Variants in ABHD2 observed in about 807,000 individuals in gnomAD.
The protein encoded by ABHD2 is monoacylglycerol lipase ABHD2.
In ABHD2, 20 loss-of-function variants were observed where a neutral mutation model predicts 48.1. The ratio of observed to expected loss-of-function variants is 0.42; its 90% CI spans 0.29 to 0.60. The LOEUF (loss-of-function observed/expected upper bound fraction) is 0.60, where lower values mean the gene tolerates loss of function less well. Among genes scored for constraint, ABHD2 ranks in the 20% least tolerant of loss-of-function variants. ABHD2 has a pLI of 0.24. For synonymous variants in ABHD2, 209 were observed against 214.2 expected (o/e 0.98, Z 0.21); for missense variants, 405 against 550.9 (o/e 0.74, Z 2.65).
At chr15:89,161,128 T>C (rs953495636) in intron 5 of ABHD2, among the ~76,000 whole-genome samples, 16 of 152,320 alleles carry the variant, frequency 1.1e-4, no homozygotes, top group African/African-American at 3.8e-4. Context: ...CCTGTGCCAG[T>C]GGCTTAGCTC....
chr15:89,111,722 C>T (rs1391413875), intron 1 of ABHD2, among the ~76,000 whole-genome samples: 1 of 152,174 alleles, frequency 6.6e-6, no homozygotes. Context: ...CTAAGGGAAG[C>T]CAGAAAGCAT....
the ABHD2 span, among the ~76,000 whole-genome samples, chr15:89,056,439 G>T: frequency 6.6e-6 from 1 of 151,966 alleles, no homozygotes; most frequent in African/African-American, 2.4e-5. Context: ...GGCACAGATC[G>T]AGACCATCCT....
At position 89,114,833 on chromosome 15, in the gene ABHD2, T is replaced by C. The variant is rs139542955; in HGVS notation, c.-7+1009T>C. On this transcript the variant is annotated intron_variant, in intron 2 of 10. Coordinates refer to ENST00000352732, the MANE Select transcript of ABHD2 (RefSeq NM_152924.5). The surrounding 1 kb of genome is among the most constrained non-coding windows in gnomAD (Gnocchi z 4.2). ...TCTCCTCACAGAAGTTCAGTGTAGC[T>C]GAGTTTATATTCATGGCCTAGCCTT... Among the ~76,000 whole-genome samples the C allele has an allele frequency of 6.6e-6, 1 of 152,316 alleles. No homozygotes were observed. Among genetic ancestry groups the C allele is most frequent in the African/African-American group, 2.4e-5 (1 of 41,558 alleles).
chr15:89,112,297 G>A (rs1409246865), intron 1 of ABHD2, among the ~76,000 whole-genome samples: 1 of 152,144 alleles, frequency 6.6e-6, no homozygotes. Context: ...GAAATCTCCT[G>A]GTGTTAATAA....
chr15:89,192,460 A>G (rs1425274925), intron 9 of ABHD2, among the ~76,000 whole-genome samples: 2 of 151,992 alleles, frequency 1.3e-5, no homozygotes, highest in Admixed American at 6.6e-5. Flanking sequence ...CGGTTTTCCA[A>G]TATCCACCAG....
At chr15:89,059,351 C>G in the ABHD2 span, among the ~76,000 whole-genome samples, 5 of 152,188 alleles carry the variant, frequency 3.3e-5, no homozygotes, top group African/African-American at 1.2e-4. Flanking sequence ...CTGCCTAGAC[C>G]AGACCTGGAG....
chr15:89,094,581 G>A lies in ABHD2; in HGVS notation c.-107+6018G>A, dbSNP rs972052231. ...AAATTAGCTGAGCATGGTGGTGTGC[G>A]CCTGTAGTCCCAGCTACTTGGGAGA... On this transcript the variant is annotated intron_variant, in intron 1 of 10. Coordinates refer to ENST00000352732, the MANE Select transcript of ABHD2 (RefSeq NM_152924.5). The surrounding 1 kb of genome is among the most constrained non-coding windows in gnomAD (Gnocchi z 4.7). Among the ~76,000 whole-genome samples the A allele has an allele frequency of 7.3e-5, 11 of 151,708 alleles. No individual in the cohort carries two copies. The highest frequency in any genetic ancestry group is 2.7e-4 in the African/African-American group (11 of 41,274).
At position 89,091,625 on chromosome 15, in the gene ABHD2, T is replaced by C. The variant is rs1356106396; in HGVS notation, c.-107+3062T>C. Among the ~76,000 whole-genome samples the C allele has an allele frequency of 2.0e-5, 3 of 152,184 alleles. No individual in the cohort carries two copies. Among genetic ancestry groups the C allele is most frequent in the Admixed American group, 6.5e-5 (1 of 15,282 alleles). On this transcript the variant is annotated intron_variant, in intron 1 of 10. Coordinates refer to ENST00000352732, the MANE Select transcript of ABHD2 (RefSeq NM_152924.5). This position sits in a 1 kb window ranked among gnomAD's most constrained non-coding sequence, Gnocchi z 5.5. ...CTGCCCCGAGCAGGAAATAATTTCT[T>C]TGGTCTTATGGGAGACAGGGGTAGA...
chr15:89,130,756 AT>A (rs1158320074), intron 3 of ABHD2, among the ~76,000 whole-genome samples: 1 of 152,024 alleles, frequency 6.6e-6, no homozygotes, highest in Non-Finnish European at 1.5e-5. Flanking sequence ...TTTTTGTGTG[AT>A]TTTCTTTTTC....
At chr15:89,124,287 T>TTGCAGAGGCAGTACCAA (rs1333583842) in intron 3 of ABHD2, among the ~76,000 whole-genome samples, 5 of 152,200 alleles carry the variant, frequency 3.3e-5, no homozygotes, top group African/African-American at 1.2e-4. Context: ...AGCTGTTTCT[T>TTGCAGAGGCAGTACCAA]TGCAGAGGCA....
chr15:89,112,936 T>C (rs1207497764), intron 1 of ABHD2, among the ~76,000 whole-genome samples: 1 of 152,224 alleles, frequency 6.6e-6, no homozygotes, highest in Non-Finnish European at 1.5e-5. Flanking sequence ...ATCTACCTCA[T>C]AGGGTACAGG....
At chr15:89,145,266 CA>C (rs1172953428) in intron 3 of ABHD2, among the ~76,000 whole-genome samples, 1 of 152,074 alleles carries the variant, frequency 6.6e-6, no homozygotes, top group Non-Finnish European at 1.5e-5. Flanking sequence ...AAAAACGAAA[CA>C]AAACAAAACA....
chr15:89,186,656 C>T lies in ABHD2; in HGVS notation c.815+1140C>T, dbSNP rs1179250886. Among the ~76,000 whole-genome samples, 2 of 152,170 alleles carry T rather than the reference C, an allele frequency of 1.3e-5. No individual in the cohort carries two copies. Among genetic ancestry groups the T allele is most frequent in the Non-Finnish European group, 2.9e-5 (2 of 68,024 alleles). Reference sequence around the variant, plus strand: ...TGTAAATCCTACGTCTAGAACCAAACTGGAGAGCGTTGGAGGGCTTAGGCA... The same window carrying T: ...TGTAAATCCTACGTCTAGAACCAAATTGGAGAGCGTTGGAGGGCTTAGGCA... On this transcript the variant is annotated intron_variant, in intron 7 of 10. Transcript: ENST00000352732. The surrounding 1 kb of genome is among the most constrained non-coding windows in gnomAD (Gnocchi z 4.3).
Position 89,177,888 on chromosome 15 carries a change from C to A in ABHD2, c.722+1893C>A, listed in dbSNP as rs539529083. 6.6e-6 allele frequency among the ~76,000 whole-genome samples: 1 copy of A among 152,092 alleles called. No homozygotes were observed. Among genetic ancestry groups the A allele is most frequent in the African/African-American group, 2.4e-5 (1 of 41,412 alleles). ...TTTTTCAATGCACAAAATCTTAACA[C>A]GACAATCCCTTCATCTCATTTTGCT... is the stretch of plus-strand genomic sequence containing the variant. On this transcript the variant is annotated intron_variant, in intron 6 of 10. Coordinates refer to ENST00000352732, the MANE Select transcript of ABHD2 (RefSeq NM_152924.5). The surrounding 1 kb of genome is among the most constrained non-coding windows in gnomAD (Gnocchi z 5.6).
At chr15:89,069,812 TGGGATTAC>T in the ABHD2 span, among the ~76,000 whole-genome samples, 1 of 150,298 alleles carries the variant, frequency 6.7e-6, no homozygotes, top group Non-Finnish European at 1.5e-5. Flanking sequence ...CCCAAGTAGC[TGGGATTAC>T]AGGTGCGTAC....
rs1231161060 is a variant in ABHD2 at position 89,175,008 on chromosome 15, C to T, written c.539-804C>T. On this transcript the variant is annotated intron_variant, in intron 5 of 10. Coordinates refer to ENST00000352732, the MANE Select transcript of ABHD2 (RefSeq NM_152924.5). This position sits in a 1 kb window ranked among gnomAD's most constrained non-coding sequence, Gnocchi z 5.7. ...CACCCTGTCCCTATGTCACCAAGAACGTTTTACCCTAATCCTACAGAGCAT... is the reference window on the plus strand; with the variant it reads ...CACCCTGTCCCTATGTCACCAAGAATGTTTTACCCTAATCCTACAGAGCAT... Among the ~76,000 whole-genome samples, 1 of 152,156 alleles carries T rather than the reference C, an allele frequency of 6.6e-6. No individual in the cohort carries two copies. Among genetic ancestry groups the T allele is most frequent in the Non-Finnish European group, 1.5e-5 (1 of 68,034 alleles).
rs9920149 is a variant in ABHD2, at chr15:89,184,888, C to T, written c.723-536C>T. ...TACTTCCACTTCGATTTCCTTGCCT[C>T]TTCAATGGTATAAGGCTAATCAAAA... is the stretch of plus-strand genomic sequence containing the variant. On this transcript the variant is annotated intron_variant, in intron 6 of 10. Transcript: ENST00000352732. The surrounding 1 kb of genome is among the most constrained non-coding windows in gnomAD (Gnocchi z 5.1). Among the ~76,000 whole-genome samples the T allele has an allele frequency of 0.051, 7,783 of 152,276 alleles. 680 individuals carry two copies. Among genetic ancestry groups the T allele is most frequent in the African/African-American group, 0.17 (7,254 of 41,514 alleles).
rs2050593225 is a variant in ABHD2, at chr15:89,151,674, T to C, written c.195-3T>C. 6.2e-7 allele frequency: 1 copy of C among 1,613,338 alleles called. No homozygotes were observed. Among genetic ancestry groups the C allele is most frequent in the East Asian group, 2.2e-5 (1 of 44,872 alleles). On this transcript the variant is annotated splice_region_variant and splice_polypyrimidine_tract_variant and intron_variant, in intron 3 of 10. Coordinates refer to ENST00000352732, the MANE Select transcript of ABHD2 (RefSeq NM_152924.5). The surrounding 1 kb of genome is among the most constrained non-coding windows in gnomAD (Gnocchi z 4.7). ...AAATTGACCTCCCTTGTCCTTTCTTTAGATACATTCCACCGTTGATCTGGG... is the reference window on the plus strand; with the variant it reads ...AAATTGACCTCCCTTGTCCTTTCTTCAGATACATTCCACCGTTGATCTGGG...
chr15:89,089,593 G>A (rs1405765812), intron 1 of ABHD2, among the ~76,000 whole-genome samples: 1 of 152,162 alleles, frequency 6.6e-6, no homozygotes, highest in Non-Finnish European at 1.5e-5. Context: ...CAAATCCAAA[G>A]GCATGTTCCA....
Sources: gnomAD v4.1 joint callset for allele counts (sites outside exome capture counted in the v4.1 genomes callset) on GRCh38, gnomAD v4.1.1 for gene constraint, Gnocchi (gnomAD v3.1) non-coding constraint, MANE v1.5 for transcripts, NCBI Gene and HGNC (gene_info 2026-07-23, HGNC 2026-07-21) for gene names.